Variants in RBFOX1 observed in about 807,000 individuals in gnomAD.
The protein encoded by RBFOX1 is RNA binding protein fox-1 homolog 1.
A neutral mutation model predicts 57.7 loss-of-function variants in RBFOX1; 8 were observed. The ratio of observed to expected loss-of-function variants is 0.14; its 90% CI spans 0.08 to 0.25. The LOEUF is 0.25. Among genes scored for constraint, RBFOX1 ranks in the 10% least tolerant of loss-of-function variants. The pLI is 1.00. For synonymous variants in RBFOX1, 326 were observed against 222.4 expected (o/e 1.47, Z -4.15); for missense variants, 611 against 548.5 (o/e 1.11, Z -1.14).
At chr16:6,033,442 A>T (rs1166530545) in intron 1 of RBFOX1, among the ~76,000 whole-genome samples, 1 of 152,232 alleles carries the variant, frequency 6.6e-6, no homozygotes, top group Non-Finnish European at 1.5e-5. Flanking sequence ...ATAGTTTCTC[A>T]TGCACCCTTT....
chr16:7,093,994 ATGT>A (rs1266065782), intron 4 of RBFOX1, among the ~76,000 whole-genome samples: 11 of 151,492 alleles, frequency 7.3e-5, no homozygotes, highest in Non-Finnish European at 4.4e-5. Flanking sequence ...AAAAACAATG[ATGT>A]TGTCTTTATG....
chr16:6,993,233 T>C (rs74010430), intron 3 of RBFOX1, among the ~76,000 whole-genome samples: 5,674 of 152,274 alleles, frequency 0.037, 369 homozygotes, highest in African/African-American at 0.13. Context: ...TTGTTGCTAC[T>C]GTAGAGGGGA....
chr16:6,668,800 T>C (rs1352270827), intron 3 of RBFOX1, among the ~76,000 whole-genome samples: 1 of 100,782 alleles, frequency 9.9e-6, no homozygotes, highest in East Asian at 3.1e-4. Context: ...CCACTTATTT[T>C]ACTTAAAAGA....
At chr16:6,609,899 T>G (rs956944453) in intron 2 of RBFOX1, among the ~76,000 whole-genome samples, 2 of 152,004 alleles carry the variant, frequency 1.3e-5, no homozygotes, top group Non-Finnish European at 2.9e-5. Flanking sequence ...TCCCAGCTAC[T>G]TGGGAGGCTG....
chr16:6,205,136 A>G (rs955654847), intron 1 of RBFOX1, among the ~76,000 whole-genome samples: 5 of 152,156 alleles, frequency 3.3e-5, no homozygotes, highest in African/African-American at 9.6e-5. Context: ...ATTGGGCTTA[A>G]ATTGCATTAG....
chr16:6,234,446 C>G (rs748891075), intron 1 of RBFOX1, among the ~76,000 whole-genome samples: 15 of 152,170 alleles, frequency 9.9e-5, no homozygotes, highest in Non-Finnish European at 2.2e-4. Flanking sequence ...TTTACCCTTC[C>G]TGCCACTTAG....
At chr16:6,601,355 G>A (rs868568743) in intron 2 of RBFOX1, among the ~76,000 whole-genome samples, 87 of 152,070 alleles carry the variant, frequency 5.7e-4, no homozygotes, top group African/African-American at 2.1e-3. Context: ...TGTCTACTTG[G>A]TTATATTTAA....
At chr16:7,246,633 C>CTTTTTTTTTTTTTTTTTTTT (rs56654382) in intron 4 of RBFOX1, among the ~76,000 whole-genome samples, 3 of 105,502 alleles carry the variant, frequency 2.8e-5, no homozygotes, top group African/African-American at 1.3e-4. Flanking sequence ...TGGTCACCTC[C>CTTTTTTTTTTTTTTTTTTTT]TTTTTTTTTT....
intron 10 of RBFOX1, among the ~76,000 whole-genome samples, chr16:7,621,210 T>C (rs904519545): frequency 6.6e-6 from 1 of 152,198 alleles, no homozygotes; most frequent in Non-Finnish European, 1.5e-5. Flanking sequence ...TCATTGTTTT[T>C]GTTGTGGCTG....
chr16:7,080,053 T>TAC (rs1491417463), intron 4 of RBFOX1, among the ~76,000 whole-genome samples: 75 of 141,978 alleles, frequency 5.3e-4, no homozygotes, highest in Admixed American at 5.7e-4. Context: ...TATATATATA[T>TAC]ACATATTATA....
At chr16:5,873,644 C>T (rs1374472196) in intron 4 of RBFOX1, among the ~76,000 whole-genome samples, 1 of 152,234 alleles carries the variant, frequency 6.6e-6, no homozygotes, top group Admixed American at 6.5e-5. Context: ...ATCATACCCT[C>T]AAATAACTGA....
chr16:6,810,091 A>G (rs2154265613), intron 3 of RBFOX1, among the ~76,000 whole-genome samples: 1 of 151,726 alleles, frequency 6.6e-6, no homozygotes, highest in East Asian at 1.9e-4. Flanking sequence ...CAGGAAGGAA[A>G]CTGGTATCTA....
chr16:7,649,418 T>C (rs967142473), intron 11 of RBFOX1, among the ~76,000 whole-genome samples: 3 of 152,236 alleles, frequency 2.0e-5, no homozygotes, highest in African/African-American at 7.2e-5. Flanking sequence ...TCTGTTTCCT[T>C]AACCACAAAC....
intron 4 of RBFOX1, among the ~76,000 whole-genome samples, chr16:5,979,821 C>T (rs937375747): frequency 6.6e-6 from 1 of 152,184 alleles, no homozygotes; most frequent in African/African-American, 2.4e-5. Context: ...GAGATCGTAC[C>T]ACTGCGCTCC....
At chr16:5,314,789 C>G (rs1347408746) in intron 1 of RBFOX1, among the ~76,000 whole-genome samples, 1 of 150,970 alleles carries the variant, frequency 6.6e-6, no homozygotes, top group East Asian at 2.0e-4. Context: ...GCATGAGTCA[C>G]CACACCTGGC....
At chr16:5,721,084 G>T (rs2051913890) in intron 3 of RBFOX1, among the ~76,000 whole-genome samples, 1 of 152,028 alleles carries the variant, frequency 6.6e-6, no homozygotes, top group African/African-American at 2.4e-5. Context: ...ATTTATTTAG[G>T]TTCCTTTAAA....
chr16:6,356,490 C>T (rs548930991), intron 2 of RBFOX1, among the ~76,000 whole-genome samples: 16 of 152,276 alleles, frequency 1.1e-4, no homozygotes, highest in Middle Eastern at 3.4e-3. Context: ...CTGTGGTTTT[C>T]CTCCCCATAC....
intron 2 of RBFOX1, among the ~76,000 whole-genome samples, chr16:5,540,693 C>G (rs770936016): frequency 6.6e-6 from 1 of 152,140 alleles, no homozygotes; most frequent in Admixed American, 6.5e-5. Flanking sequence ...CTGGCACTGA[C>G]ATCACGGACT....
intron 3 of RBFOX1, among the ~76,000 whole-genome samples, chr16:5,853,095 A>T (rs962113001): frequency 6.6e-6 from 1 of 152,210 alleles, no homozygotes; most frequent in African/African-American, 2.4e-5. Flanking sequence ...TGGATATTGG[A>T]GTCATCTCTT....
Sources: allele counts gnomAD v4.1 joint callset (sites outside exome capture counted in the v4.1 genomes callset), GRCh38; gene constraint gnomAD v4.1.1; transcripts MANE v1.5; gene names NCBI Gene and HGNC (gene_info 2026-07-23, HGNC 2026-07-21).